TRABD2B: variants seen among roughly 807,000 people sequenced by gnomAD.
TRABD2B encodes the protein TraB domain containing 2B.
In TRABD2B, 14 loss-of-function variants were observed where a neutral mutation model predicts 40.1. That is an observed-to-expected ratio of 0.35 (90% CI 0.23 to 0.55). The LOEUF is 0.55. Among genes scored for constraint, TRABD2B ranks in the 20% least tolerant of loss-of-function variants. The probability of loss-of-function intolerance (pLI) is 0.90; values close to 1 mark genes in which losing one functional copy is unlikely to be tolerated. For missense variants in TRABD2B, 541 were observed against 648.6 expected, an observed-to-expected ratio of 0.83 and a Z score of 1.80; for synonymous variants, 263 against 277.0, an observed-to-expected ratio of 0.95 and a Z score of 0.50.
intron 4 of TRABD2B, among the ~76,000 whole-genome samples, chr1:47,790,659 G>T (rs1051108639): frequency 2.6e-5 from 4 of 152,212 alleles, no homozygotes; most frequent in Non-Finnish European, 1.5e-5. Flanking sequence ...GGACTCAAGA[G>T]GCCAGGCTTC....
intron 2 of TRABD2B, among the ~76,000 whole-genome samples, chr1:47,878,752 CAG>C (rs1458317478): frequency 6.6e-6 from 1 of 152,218 alleles, no homozygotes; most frequent in East Asian, 1.9e-4. Context: ...GTGGTAAGTT[CAG>C]AGTTTTTATT....
rs116926319 is a variant in TRABD2B at position 47,979,115 on chromosome 1, T to G, written c.666+14919A>C. ...TCCCAAAGCCAAAGCACCCAAGGACTGCCGTGGGAAGTGGAGGTGGCTGCT... is the reference window on the plus strand; with the variant it reads ...TCCCAAAGCCAAAGCACCCAAGGACGGCCGTGGGAAGTGGAGGTGGCTGCT... On this transcript the variant is annotated intron_variant, in intron 2 of 6. Coordinates refer to ENST00000606738, the MANE Select transcript of TRABD2B (RefSeq NM_001194986.2). 6.1e-4 allele frequency among the ~76,000 whole-genome samples: 93 copies of G among 152,244 alleles called. 1 individual carries two copies. In the East Asian group the frequency reaches 0.018, roughly 29 times the overall value.
chr1:47,829,870 T>C (rs989620327), intron 2 of TRABD2B, among the ~76,000 whole-genome samples: 1 of 152,182 alleles, frequency 6.6e-6, no homozygotes, highest in African/African-American at 2.4e-5. Flanking sequence ...GTGGCCCCCA[T>C]GGCCACTTCC....
At chr1:47,843,136 T>A (rs1045594620) in intron 2 of TRABD2B, among the ~76,000 whole-genome samples, 2 of 151,992 alleles carry the variant, frequency 1.3e-5, no homozygotes, top group African/African-American at 4.8e-5. Context: ...GGGGTGATTG[T>A]CAAGCAGGAC....
At chr1:47,893,572 T>C (rs879476586) in intron 2 of TRABD2B, among the ~76,000 whole-genome samples, 21 of 152,236 alleles carry the variant, frequency 1.4e-4, no homozygotes, top group African/African-American at 4.3e-4. Context: ...TTAGCGCACC[T>C]TGCCTCACAT....
chr1:47,804,457 C>A (rs1430261648), intron 2 of TRABD2B, among the ~76,000 whole-genome samples: 1 of 152,182 alleles, frequency 6.6e-6, no homozygotes, highest in African/African-American at 2.4e-5. Context: ...CTACACTCGG[C>A]CACTGCACAC....
At chr1:47,991,043 A>G (rs1421754606) in intron 2 of TRABD2B, among the ~76,000 whole-genome samples, 1 of 151,760 alleles carries the variant, frequency 6.6e-6, no homozygotes, top group Admixed American at 6.6e-5. Context: ...AAGGGGAGAG[A>G]GAAACAGAAG....
chr1:47,994,107 T>C lies in TRABD2B; in HGVS notation c.593A>G (p.Lys198Arg). 1 of 1,536,244 alleles carries C rather than the reference T, an allele frequency of 6.5e-7. No homozygotes were observed. The highest frequency in any genetic ancestry group is 2.4e-5 in the East Asian group (1 of 40,902). Residue 198 changes from lysine to arginine, a missense_variant, in exon 2 of 7, where the codon AAG becomes AGG. Physicochemically the swap from Lys to Arg is conservative, Grantham distance 26. Around this residue, in one of 2 missense-constraint regions of TRABD2B, gnomAD observed 369 missense variants for 492.8 expected, o/e 0.75. Transcript: ENST00000606738. This position sits in a 1 kb window ranked among gnomAD's most constrained non-coding sequence, Gnocchi z 6.7. Reference protein sequence around the residue: ...LYLAQQAEKMKKTTGAVEQVE... With the variant: ...LYLAQQAEKMRKTTGAVEQVE... ...CTGCTCCACAGCCCCTGTGGTCTTCTTCATCTTCTCAGCCTGCTGGGCCAG... is the reference window on the plus strand; with the variant it reads ...CTGCTCCACAGCCCCTGTGGTCTTCCTCATCTTCTCAGCCTGCTGGGCCAG...
At chr1:47,886,910 C>A (rs1466376206) in intron 2 of TRABD2B, among the ~76,000 whole-genome samples, 2 of 152,094 alleles carry the variant, frequency 1.3e-5, no homozygotes, top group Non-Finnish European at 2.9e-5. Context: ...GCCTTCTCCA[C>A]CTCCACACCA....
intron 2 of TRABD2B, among the ~76,000 whole-genome samples, chr1:47,888,313 T>C (rs1348877531): frequency 6.6e-6 from 1 of 152,206 alleles, no homozygotes; most frequent in East Asian, 1.9e-4. Context: ...TCTGATGGGC[T>C]GAAAATAGAG....
intron 2 of TRABD2B, among the ~76,000 whole-genome samples, chr1:47,856,106 G>A (rs577876696): frequency 2.0e-5 from 3 of 152,324 alleles, no homozygotes; most frequent in East Asian, 1.9e-4. Flanking sequence ...CATGAGATTG[G>A]ACTCAAAGAA....
intron 5 of TRABD2B, among the ~76,000 whole-genome samples, chr1:47,776,754 A>G (rs1244963215): frequency 2.0e-5 from 3 of 151,958 alleles, no homozygotes; most frequent in African/African-American, 7.3e-5. Context: ...TTCCCAGCCC[A>G]CTCTCACACG....
intron 2 of TRABD2B, among the ~76,000 whole-genome samples, chr1:47,931,630 G>T (rs923087874): frequency 3.9e-5 from 6 of 152,160 alleles, no homozygotes; most frequent in African/African-American, 1.4e-4. Context: ...GGGAGGGCAA[G>T]TATCGCAGCT....
At position 47,778,650 on chromosome 1, in the gene TRABD2B, C is replaced by T. The variant is rs538398771; in HGVS notation, c.989-106G>A. The T allele has an allele frequency of 2.9e-4, 227 of 777,394 alleles. 1 individual carries two copies. In the African/African-American group the frequency reaches 3.5e-3, roughly 12 times the overall value. The allele number at this position is 777,394 out of a possible 1,614,324, so 48.2% of individuals were successfully genotyped here. A position where few individuals can be genotyped will look rare whatever the true frequency, so the allele number is the denominator to read the frequency against. On this transcript the variant is annotated intron_variant, in intron 4 of 6. Coordinates refer to ENST00000606738, the MANE Select transcript of TRABD2B (RefSeq NM_001194986.2). ...TTTGTATCTGGGCCAGTGACCTACA[C>T]CAAAGTCAATGCCCCAGATTCCCTG...
chr1:47,884,256 C>T (rs991890249), intron 2 of TRABD2B, among the ~76,000 whole-genome samples: 2 of 152,130 alleles, frequency 1.3e-5, no homozygotes, highest in Non-Finnish European at 2.9e-5. Flanking sequence ...GGAAATGGTG[C>T]CTGTCACTTC....
chr1:47,962,125 A>C (rs1645527019), intron 2 of TRABD2B, among the ~76,000 whole-genome samples: 1 of 151,620 alleles, frequency 6.6e-6, no homozygotes, highest in African/African-American at 2.4e-5. Context: ...AGAAAGCCAA[A>C]CACCACATGT....
rs185657834 is a variant in TRABD2B at position 47,824,912 on chromosome 1, C to T, written c.667-23293G>A. Among the ~76,000 whole-genome samples, 30 of 152,306 alleles carry T rather than the reference C, an allele frequency of 2.0e-4. 1 individual carries two copies. Among genetic ancestry groups the T allele is most frequent in the African/African-American group, 7.0e-4 (29 of 41,580 alleles). On this transcript the variant is annotated intron_variant, in intron 2 of 6. Coordinates refer to ENST00000606738, the MANE Select transcript of TRABD2B (RefSeq NM_001194986.2). ...ACCCTCCAACATATGCATATTCACACGGCTGCCCACAGGAGGAGGCCAACT... is the reference window on the plus strand; with the variant it reads ...ACCCTCCAACATATGCATATTCACATGGCTGCCCACAGGAGGAGGCCAACT...
At chr1:47,965,682 G>A (rs772342684) in intron 2 of TRABD2B, among the ~76,000 whole-genome samples, 24 of 152,272 alleles carry the variant, frequency 1.6e-4, no homozygotes, top group Non-Finnish European at 3.1e-4. Flanking sequence ...TCAGTACATG[G>A]GGAAATGGGG....
intron 2 of TRABD2B, among the ~76,000 whole-genome samples, chr1:47,852,625 C>G (rs570753734): frequency 1.3e-5 from 2 of 152,296 alleles, no homozygotes; most frequent in Admixed American, 1.3e-4. Context: ...TGTGATTGCC[C>G]GAGCTCCCTC....
Sources: allele counts gnomAD v4.1 joint callset (sites outside exome capture counted in the v4.1 genomes callset), GRCh38; gene constraint gnomAD v4.1.1; regional missense constraint gnomAD v4.1.1; non-coding constraint Gnocchi (gnomAD v3.1); transcripts MANE v1.5; gene names NCBI Gene and HGNC (gene_info 2026-07-23, HGNC 2026-07-21).